Variants in XPO7 observed in about 807,000 individuals in gnomAD.
XPO7 encodes exportin 7.
Under a neutral mutation model 144.3 loss-of-function variants are expected in XPO7, and 21 were observed. The observed-to-expected ratio is 0.15, with a 90% CI of 0.10 to 0.21. XPO7 has a LOEUF of 0.21. Among genes scored for constraint, XPO7 ranks in the 10% least tolerant of loss-of-function variants. The pLI is 1.00. For synonymous variants in XPO7, 580 were observed against 499.6 expected (o/e 1.16, Z -2.15); for missense variants, 808 against 1,325.8 (o/e 0.61, Z 6.06).
chr8:21,967,905 TC>T (rs1163477057), intron 2 of XPO7, among the ~76,000 whole-genome samples: 1 of 152,106 alleles, frequency 6.6e-6, no homozygotes, highest in Non-Finnish European at 1.5e-5. Context: ...AAGGGTGGGA[TC>T]CCCCCAGGGT....
intron 7 of XPO7, among the ~76,000 whole-genome samples, chr8:21,976,900 T>C (rs1168273525): frequency 6.6e-6 from 1 of 152,152 alleles, no homozygotes; most frequent in Non-Finnish European, 1.5e-5. Context: ...TTCAAGTGAT[T>C]CTCCTATCTT....
chr8:21,949,103 ATAACCC>A (rs1811286921), intron 1 of XPO7, among the ~76,000 whole-genome samples: 1 of 152,250 alleles, frequency 6.6e-6, no homozygotes. Flanking sequence ...TGTTCAAATG[ATAACCC>A]TACTTCTAGT....
intron 1 of XPO7, among the ~76,000 whole-genome samples, chr8:21,963,198 C>T (rs1811779810): frequency 6.6e-6 from 1 of 152,226 alleles, no homozygotes; most frequent in South Asian, 2.1e-4. Context: ...GCAGCTTCTG[C>T]TCATCTCAGA....
intron 1 of XPO7, among the ~76,000 whole-genome samples, chr8:21,940,820 GTA>G (rs1810966338): frequency 6.6e-6 from 1 of 152,030 alleles, no homozygotes; most frequent in South Asian, 2.1e-4. Context: ...AACACTTCCT[GTA>G]TGTAATCTTG....
chr8:21,941,861 T>C (rs1254453812), intron 1 of XPO7, among the ~76,000 whole-genome samples: 2 of 152,198 alleles, frequency 1.3e-5, no homozygotes, highest in African/African-American at 4.8e-5. Flanking sequence ...ATTTTCGTTG[T>C]TGTTGTTGAG....
chr8:21,990,725 A>G, intron 17 of XPO7, 86 bp from the exon 18 acceptor site: 5 of 1,367,294 alleles, frequency 3.7e-6, no homozygotes, highest in Non-Finnish European at 4.1e-6. Context: ...TTGGCTTGAA[A>G]GGGCTCAGTA....
intron 26 of XPO7, among the ~76,000 whole-genome samples, chr8:22,003,597 A>AG (rs777842886): frequency 1.3e-5 from 2 of 152,230 alleles, no homozygotes; most frequent in Non-Finnish European, 2.9e-5. Flanking sequence ...TGGGTATCAG[A>AG]GGACCTAAGA....
In XPO7 at chr8:22,005,830, T is replaced by G. The variant is rs1282630850; in HGVS notation, c.*742T>G. ...CCTTGCAGTGATAAATAACTCCAGC[T>G]AAAAGTGTTTGGTGTTCTTATCTCC... On this transcript the variant is annotated 3_prime_UTR_variant, in exon 28 of 28. Transcript: ENST00000252512. The G allele has an allele frequency of 1.3e-5, 2 of 152,220 alleles. No homozygotes were observed. The highest frequency in any genetic ancestry group is 2.9e-5 in the Non-Finnish European group (2 of 68,046). The allele number at this position is 152,220 out of a possible 1,614,324, so 9.4% of individuals were successfully genotyped here.
chr8:21,937,400 G>A (rs924342106), intron 1 of XPO7, among the ~76,000 whole-genome samples: 11 of 152,118 alleles, frequency 7.2e-5, no homozygotes, highest in Non-Finnish European at 1.3e-4. Context: ...CTCTTAGTAC[G>A]CATGTAATAG....
intron 1 of XPO7, among the ~76,000 whole-genome samples, chr8:21,954,450 A>G (rs747085971): frequency 6.6e-6 from 1 of 152,182 alleles, no homozygotes; most frequent in African/African-American, 2.4e-5. Flanking sequence ...CCTGACCAGC[A>G]TGGTGAAACC....
At chr8:21,978,783 C>T (rs527343474) in intron 8 of XPO7, among the ~76,000 whole-genome samples, 8 of 152,306 alleles carry the variant, frequency 5.3e-5, no homozygotes, top group African/African-American at 1.7e-4. Context: ...ACAGCCATCA[C>T]TAGAGAAACT....
At chr8:21,926,410 T>G (rs1178735115) in intron 1 of XPO7, among the ~76,000 whole-genome samples, 1 of 152,104 alleles carries the variant, frequency 6.6e-6, no homozygotes, top group Non-Finnish European at 1.5e-5. Flanking sequence ...AAAGTTTGAG[T>G]CAATTTATGG....
At chr8:21,969,708 T>C (rs1811990682) in intron 3 of XPO7, 132 bp downstream of exon 3, 5 of 947,380 alleles carry the variant, frequency 5.3e-6, no homozygotes, top group Non-Finnish European at 7.7e-6. Flanking sequence ...TAGAATCCAG[T>C]TCGTTTCCAG....
chr8:21,970,842 A>AT (rs1812033300), intron 4 of XPO7, among the ~76,000 whole-genome samples: 1 of 152,208 alleles, frequency 6.6e-6, no homozygotes, highest in Non-Finnish European at 1.5e-5. Context: ...AACTGTCTTA[A>AT]TGTTGTAGCA....
Position 21,984,692 on chromosome 8 carries a change from C to T in XPO7, c.1324C>T (p.Gln442Ter). 6.2e-7 allele frequency: 1 copy of T among 1,613,892 alleles called. No individual in the cohort carries two copies. Among genetic ancestry groups the T allele is most frequent in the Non-Finnish European group, 8.5e-7 (1 of 1,179,862 alleles). ...PLEDTGLVQQ[Q>*]LDQLSTIGRC... The stretch of plus-strand genomic sequence containing the variant: ...GGAGGATACGGGGCTGGTCCAGCAG[C>T]AGTTGGACCAGCTGTCCACCATTGG... The change falls in exon 12 of 28, where the codon CAG becomes TAG. Residue 442 changes from glutamine to a stop codon, truncating the protein, a stop_gained. Coordinates refer to ENST00000252512, the MANE Select transcript of XPO7 (RefSeq NM_015024.5). LOFTEE classifies it high-confidence loss of function.
At chr8:21,947,163 T>G (rs997887482) in intron 1 of XPO7, among the ~76,000 whole-genome samples, 6 of 152,188 alleles carry the variant, frequency 3.9e-5, no homozygotes, top group Non-Finnish European at 8.8e-5. Flanking sequence ...TTATCTAATG[T>G]TTAGGGCTAT....
Position 21,966,227 on chromosome 8 carries a change from A to G in XPO7, c.19-630A>G. On this transcript the variant is annotated intron_variant, in intron 1 of 27. Coordinates refer to ENST00000252512, the MANE Select transcript of XPO7 (RefSeq NM_015024.5). ...GGGTTGAATTTATTTTGACGCTTTCATTTTAAATTTGGAACCAAAGTAAGA... is the reference window on the plus strand; with the variant it reads ...GGGTTGAATTTATTTTGACGCTTTCGTTTTAAATTTGGAACCAAAGTAAGA... 3.9e-6 allele frequency: 3 copies of G among 767,578 alleles called. 1 individual carries two copies. In the Admixed American group the frequency reaches 5.3e-5, roughly 14 times the overall value. 47.5% of individuals were successfully genotyped at this position (767,578 alleles called of 1,614,324 possible). A position where few individuals can be genotyped will look rare whatever the true frequency, so the allele number is the denominator to read the frequency against.
At chr8:21,943,163 G>C (rs1811050325) in intron 1 of XPO7, among the ~76,000 whole-genome samples, 1 of 152,164 alleles carries the variant, frequency 6.6e-6, no homozygotes, top group African/African-American at 2.4e-5. Context: ...GGGAACCTAT[G>C]AACTGGAGAA....
chr8:21,970,861 T>C (rs542529070), intron 4 of XPO7, among the ~76,000 whole-genome samples: 1 of 152,304 alleles, frequency 6.6e-6, no homozygotes, highest in Admixed American at 6.5e-5. Flanking sequence ...CACAATTTAT[T>C]TTTTAAGTAA....
Sources: gnomAD v4.1 joint callset for allele counts (sites outside exome capture counted in the v4.1 genomes callset) on GRCh38, gnomAD v4.1.1 for gene constraint, MANE v1.5 for transcripts, NCBI Gene and HGNC (gene_info 2026-07-23, HGNC 2026-07-21) for gene names.